RGS6: variants seen among roughly 807,000 people sequenced by gnomAD.
The protein encoded by RGS6 is regulator of G-protein signaling 6.
A neutral mutation model predicts 78.5 loss-of-function variants in RGS6; 30 were observed. The ratio of observed to expected loss-of-function variants is 0.38; its 90% CI spans 0.29 to 0.52. The LOEUF (loss-of-function observed/expected upper bound fraction) is 0.52. Ranked by LOEUF, RGS6 falls within the 20% of genes least tolerant of loss-of-function variation. The pLI is 0.85. For missense variants in RGS6, 495 were observed against 609.7 expected, an observed-to-expected ratio of 0.81 and a Z score of 1.98; for synonymous variants, 206 against 206.0, an observed-to-expected ratio of 1.00 and a Z score of 0.00.
the RGS6 span, among the ~76,000 whole-genome samples, chr14:72,612,840 C>T: frequency 1.3e-5 from 2 of 152,204 alleles, no homozygotes; most frequent in Non-Finnish European, 2.9e-5. Flanking sequence ...GCACAAGGCT[C>T]CCTTTGCAAC....
At chr14:72,410,970 A>G (rs917042365) in intron 3 of RGS6, among the ~76,000 whole-genome samples, 105 of 152,298 alleles carry the variant, frequency 6.9e-4, no homozygotes, top group African/African-American at 2.0e-3. Flanking sequence ...TGGTTACTGT[A>G]GCCTTGTAGT....
chr14:72,306,336 G>T (rs1457659117), intron 2 of RGS6, among the ~76,000 whole-genome samples: 1 of 152,220 alleles, frequency 6.6e-6, no homozygotes, highest in Non-Finnish European at 1.5e-5. Context: ...TACAAGGCAT[G>T]TTGTTTTCAT....
intron 2 of RGS6, among the ~76,000 whole-genome samples, chr14:72,155,440 A>G (rs2096756582): frequency 3.3e-5 from 5 of 152,200 alleles, no homozygotes; most frequent in Non-Finnish European, 7.4e-5. Context: ...CACCCAGGAT[A>G]TGACTTCCAG....
intron 7 of RGS6, chr14:72,469,729 T>G (rs1439861242): frequency 6.8e-6 from 2 of 294,470 alleles, no homozygotes; most frequent in African/African-American, 4.4e-5. Flanking sequence ...AAGTGCTGTG[T>G]GAGTTGCATT....
chr14:72,070,518 T>C (rs1288654801), intron 2 of RGS6, among the ~76,000 whole-genome samples: 1 of 152,216 alleles, frequency 6.6e-6, no homozygotes, highest in Non-Finnish European at 1.5e-5. Flanking sequence ...GAATGTAGCT[T>C]GACTTACTGT....
At chr14:72,174,285 A>C in intron 2 of RGS6, among the ~76,000 whole-genome samples, 1 of 152,114 alleles carries the variant, frequency 6.6e-6, no homozygotes, top group East Asian at 1.9e-4. Context: ...TTTTGTAGAG[A>C]TGGGATTTCT....
chr14:72,548,342 T>TGTGTGC (rs796698263), intron 17 of RGS6, among the ~76,000 whole-genome samples: 17 of 134,744 alleles, frequency 1.3e-4, no homozygotes, highest in African/African-American at 5.1e-4. Context: ...TGTGTGTGTG[T>TGTGTGC]GCGCGCGTGT....
the RGS6 span, among the ~76,000 whole-genome samples, chr14:71,890,358 C>CAGAG: frequency 0.013 from 1,667 of 132,852 alleles, 13 homozygotes; most frequent in East Asian, 0.031. Context: ...GTGCATAAGA[C>CAGAG]AGAGAGAGAG....
chr14:71,949,713 C>T (rs1409206528), intron 1 of RGS6, among the ~76,000 whole-genome samples: 1 of 151,518 alleles, frequency 6.6e-6, no homozygotes, highest in Admixed American at 6.6e-5. Context: ...GTTTCCTGTG[C>T]CTACTTAAGA....
chr14:71,990,051 A>G (rs2094889226), intron 2 of RGS6, among the ~76,000 whole-genome samples: 2 of 152,296 alleles, frequency 1.3e-5, no homozygotes, highest in South Asian at 4.2e-4. Flanking sequence ...AACATGTCAG[A>G]GAAGGTCAAA....
chr14:72,405,599 A>T (rs770527076), intron 3 of RGS6, among the ~76,000 whole-genome samples: 2 of 152,140 alleles, frequency 1.3e-5, no homozygotes, highest in African/African-American at 2.4e-5. Flanking sequence ...TGACATATAT[A>T]ATCTTTATAT....
chr14:71,945,451 A>G (rs547523216), intron 1 of RGS6, among the ~76,000 whole-genome samples: 1 of 152,238 alleles, frequency 6.6e-6, no homozygotes, highest in Admixed American at 6.5e-5. Flanking sequence ...CAGTTAGGTA[A>G]AGGAAATGAG....
chr14:72,228,843 C>T (rs376062748), intron 2 of RGS6, among the ~76,000 whole-genome samples: 144 of 152,342 alleles, frequency 9.5e-4, no homozygotes, highest in African/African-American at 3.3e-3. Context: ...GTCAGGAGTT[C>T]AAGACCAGCC....
At chr14:72,159,238 A>G (rs1233773535) in intron 2 of RGS6, among the ~76,000 whole-genome samples, 1 of 152,194 alleles carries the variant, frequency 6.6e-6, no homozygotes, top group African/African-American at 2.4e-5. Flanking sequence ...CTCAGGGCAT[A>G]TGGCAGTGTT....
chr14:72,386,189 A>G (rs1471992906), intron 3 of RGS6, among the ~76,000 whole-genome samples: 1 of 152,018 alleles, frequency 6.6e-6, no homozygotes, highest in Non-Finnish European at 1.5e-5. Flanking sequence ...ATTTTATCTT[A>G]CTTTCTCCCA....
At chr14:72,578,554 C>T in the RGS6 span, among the ~76,000 whole-genome samples, 1 of 152,178 alleles carries the variant, frequency 6.6e-6, no homozygotes, top group Non-Finnish European at 1.5e-5. Context: ...CTATTCCCAT[C>T]GAAATTCACT....
chr14:72,047,377 A>G (rs966861329), intron 2 of RGS6, among the ~76,000 whole-genome samples: 10 of 152,200 alleles, frequency 6.6e-5, no homozygotes, highest in Non-Finnish European at 1.3e-4. Flanking sequence ...TCCCCACAAT[A>G]TATCTAAGAG....
intron 2 of RGS6, among the ~76,000 whole-genome samples, chr14:72,341,882 G>A (rs2239240): frequency 0.057 from 8,633 of 150,684 alleles, 412 homozygotes; most frequent in East Asian, 0.27. Flanking sequence ...GGGTGTCCTT[G>A]GGGTCAGAGG....
At chr14:72,355,448 G>A (rs2080073597) in intron 3 of RGS6, among the ~76,000 whole-genome samples, 2 of 151,986 alleles carry the variant, frequency 1.3e-5, no homozygotes, top group African/African-American at 2.4e-5. Flanking sequence ...GCCCACCTTG[G>A]CCTCCCAAAG....
Sources: allele counts gnomAD v4.1 joint callset (sites outside exome capture counted in the v4.1 genomes callset), GRCh38; gene constraint gnomAD v4.1.1; transcripts MANE v1.5; gene names NCBI Gene and HGNC (gene_info 2026-07-23, HGNC 2026-07-21).